Variants in PKNOX2 observed in about 807,000 individuals in gnomAD.
PKNOX2 encodes PBX/knotted 1 homeobox 2.
PKNOX2 carries 14 observed loss-of-function variants against 53.1 expected under a neutral mutation model. That is an observed-to-expected ratio of 0.26 (90% CI 0.17 to 0.41). The LOEUF (loss-of-function observed/expected upper bound fraction) is 0.41. PKNOX2 is among the 10% of genes least tolerant of loss of function. The pLI is 1.00. For missense variants in PKNOX2, 496 were observed against 602.8 expected, an observed-to-expected ratio of 0.82 and a Z score of 1.85; for synonymous variants, 257 against 242.8, an observed-to-expected ratio of 1.06 and a Z score of -0.54.
At chr11:125,243,155 T>C (rs1479597107) in intron 2 of PKNOX2, among the ~76,000 whole-genome samples, 2 of 152,260 alleles carry the variant, frequency 1.3e-5, no homozygotes, top group African/African-American at 4.8e-5. Context: ...CTTGAAGTGA[T>C]CACTGTGTTT....
chr11:125,411,401 C>G (rs566869878), intron 9 of PKNOX2: 1 of 402,596 alleles, frequency 2.5e-6, no homozygotes, highest in South Asian at 2.2e-5. Context: ...AACTACTTGA[C>G]AGCTTATGGC....
rs1171109690 is a variant in PKNOX2, at chr11:125,370,982, G to A, written c.227+2997G>A. 1.3e-5 allele frequency among the ~76,000 whole-genome samples: 2 copies of A among 152,202 alleles called. No individual in the cohort carries two copies. Among genetic ancestry groups the A allele is most frequent in the Non-Finnish European group, 2.9e-5 (2 of 68,030 alleles). Reference sequence around the variant, plus strand: ...CCCCTCCCTGCCTAGGACACTGCTCGGTGGCAGAGGGGCAGTGTGACAAAG... The same window carrying A: ...CCCCTCCCTGCCTAGGACACTGCTCAGTGGCAGAGGGGCAGTGTGACAAAG... On this transcript the variant is annotated intron_variant, in intron 5 of 12. Transcript: ENST00000298282. This position sits in a 1 kb window ranked among gnomAD's most constrained non-coding sequence, Gnocchi z 4.1.
intron 1 of PKNOX2, among the ~76,000 whole-genome samples, chr11:125,189,449 A>C (rs7935480): frequency 1.8e-5 from 1 of 57,058 alleles, no homozygotes; most frequent in Admixed American, 1.8e-4. Context: ...GTGTGTGTGT[A>C]TATATATATA....
chr11:125,251,263 A>G lies in PKNOX2; in HGVS notation c.-130+16148A>G, dbSNP rs565710577. Among the ~76,000 whole-genome samples the G allele has an allele frequency of 4.7e-4, 71 of 151,990 alleles. 1 individual carries two copies. The South Asian group carries it at 6.9e-3, about 15-fold the overall frequency. On this transcript the variant is annotated intron_variant, in intron 2 of 12. Coordinates refer to ENST00000298282, the MANE Select transcript of PKNOX2 (RefSeq NM_001382323.2). The stretch of plus-strand genomic sequence containing the variant: ...AGGTTGAATATTTTTATTTATTATC[A>G]TTTCGCCCAACTCCTGCCAGCATTT...
In PKNOX2 at chr11:125,214,510, G is replaced by A. The variant is rs567215707; in HGVS notation, c.-200-20535G>A. Among the ~76,000 whole-genome samples the A allele has an allele frequency of 2.0e-5, 3 of 152,020 alleles. No individual in the cohort carries two copies. In the South Asian group the frequency reaches 6.2e-4, roughly 32 times the overall value. On this transcript the variant is annotated intron_variant, in intron 1 of 12. Transcript: ENST00000298282. The stretch of plus-strand genomic sequence containing the variant: ...GGGAGGATAGCTGATCCTGAAAAGG[G>A]AAAAAAGGAAAGGCTCCTCCACCTA...
chr11:125,350,727 G>C (rs894472094), intron 3 of PKNOX2, among the ~76,000 whole-genome samples: 2 of 152,162 alleles, frequency 1.3e-5, no homozygotes, highest in Admixed American at 1.3e-4. Flanking sequence ...GGTCCAGGCC[G>C]TCCTCCGTCT....
intron 5 of PKNOX2, among the ~76,000 whole-genome samples, chr11:125,385,093 G>A (rs898761369): frequency 2.6e-5 from 4 of 152,136 alleles, no homozygotes; most frequent in African/African-American, 4.8e-5. Flanking sequence ...GCACACAAGT[G>A]TTTGTGCACA....
intron 6 of PKNOX2, 67 bp from the exon 7 acceptor site, chr11:125,397,807 T>TG: frequency 6.7e-7 from 1 of 1,497,952 alleles, no homozygotes; most frequent in Non-Finnish European, 9.1e-7. Context: ...TGGTGGGGGC[T>TG]GGGGGTCCAG....
chr11:125,324,443 T>C (rs551842988), intron 2 of PKNOX2, among the ~76,000 whole-genome samples: 1 of 152,314 alleles, frequency 6.6e-6, no homozygotes, highest in East Asian at 1.9e-4. Context: ...CCAGCAAATA[T>C]GCTGAACACC....
At chr11:125,218,853 C>T (rs986726187) in intron 1 of PKNOX2, among the ~76,000 whole-genome samples, 1 of 152,166 alleles carries the variant, frequency 6.6e-6, no homozygotes, top group Non-Finnish European at 1.5e-5. Flanking sequence ...AGTACCAGGA[C>T]TGCTCTAGGG....
At chr11:125,330,517 A>C (rs1950078693) in intron 2 of PKNOX2, 2 of 152,300 alleles carry the variant, frequency 1.3e-5, no homozygotes, top group Admixed American at 1.3e-4. Context: ...TTTAATCCAG[A>C]GAGCTTTTGT....
intron 1 of PKNOX2, among the ~76,000 whole-genome samples, chr11:125,195,475 T>G (rs1420890529): frequency 6.6e-6 from 1 of 151,102 alleles, no homozygotes; most frequent in Non-Finnish European, 1.5e-5. Context: ...CGGCAGTGAG[T>G]GGGGAGGCGG....
intron 1 of PKNOX2, among the ~76,000 whole-genome samples, chr11:125,219,993 C>T (rs920799903): frequency 6.6e-6 from 1 of 152,088 alleles, no homozygotes; most frequent in Non-Finnish European, 1.5e-5. Context: ...TTGGAAAGAA[C>T]CCAAATATCC....
chr11:125,235,550 G>A (rs544020234), intron 2 of PKNOX2, among the ~76,000 whole-genome samples: 19 of 152,332 alleles, frequency 1.2e-4, no homozygotes, highest in African/African-American at 4.3e-4. Flanking sequence ...GGGGAGGCAT[G>A]AGGGAGGAAA....
intron 10 of PKNOX2, among the ~76,000 whole-genome samples, chr11:125,415,713 C>T (rs954394540): frequency 6.6e-6 from 1 of 152,104 alleles, no homozygotes. Flanking sequence ...ATAAGAGCTG[C>T]TCAGCTTTAG....
At chr11:125,189,419 G>GTATATATA (rs1277612431) in intron 1 of PKNOX2, among the ~76,000 whole-genome samples, 134 of 39,966 alleles carry the variant, frequency 3.4e-3, no homozygotes, top group East Asian at 7.9e-3. Context: ...ATATATGTGT[G>GTATATATA]TGTGTGTGTG....
rs529454738 is a variant in PKNOX2 at position 125,190,624 on chromosome 11, T to C, written c.-201+25848T>C. ...TCAGCATGAAGTCTCATTTCCACTC[T>C]AATTGGTTGATACTCTGTCCCCCGA... On this transcript the variant is annotated intron_variant, in intron 1 of 12. Transcript: ENST00000298282. Among the ~76,000 whole-genome samples, 6 of 152,260 alleles carry C rather than the reference T, an allele frequency of 3.9e-5. No individual in the cohort carries two copies. In the East Asian group the frequency reaches 1.2e-3, roughly 29 times the overall value.
At chr11:125,237,150 G>T (rs1018509479) in intron 2 of PKNOX2, among the ~76,000 whole-genome samples, 1 of 152,204 alleles carries the variant, frequency 6.6e-6, no homozygotes, top group Non-Finnish European at 1.5e-5. Flanking sequence ...AGGTTGGCTG[G>T]ACTGTCTTGG....
chr11:125,195,890 C>A (rs900238052), intron 1 of PKNOX2, among the ~76,000 whole-genome samples: 1 of 53,688 alleles, frequency 1.9e-5, no homozygotes, highest in Non-Finnish European at 4.5e-5. Context: ...CATGCACACA[C>A]ACACACACAC....
Sources: gnomAD v4.1 joint callset for allele counts (sites outside exome capture counted in the v4.1 genomes callset) on GRCh38, gnomAD v4.1.1 for gene constraint, Gnocchi (gnomAD v3.1) non-coding constraint, MANE v1.5 for transcripts, NCBI Gene and HGNC (gene_info 2026-07-23, HGNC 2026-07-21) for gene names.